WAPL: variants seen among roughly 807,000 people sequenced by gnomAD.
WAPL encodes the protein wings apart-like protein homolog.
A neutral mutation model predicts 121.0 loss-of-function variants in WAPL; 5 were observed. The observed-to-expected ratio is 0.04, with a 90% CI of 0.02 to 0.09. The LOEUF is 0.09. Among genes scored for constraint, WAPL ranks in the 10% least tolerant of loss-of-function variants. The probability of loss-of-function intolerance (pLI) is 1.00; values close to 1 mark genes in which losing one functional copy is unlikely to be tolerated. For synonymous variants in WAPL, 480 were observed against 481.5 expected, an observed-to-expected ratio of 1.00 and a Z score of 0.04; for missense variants, 999 against 1,410.8, an observed-to-expected ratio of 0.71 and a Z score of 4.68.
intron 4 of WAPL, among the ~76,000 whole-genome samples, chr10:86,482,334 T>C (rs1434678192): frequency 6.6e-6 from 1 of 152,208 alleles, no homozygotes; most frequent in Non-Finnish European, 1.5e-5. Context: ...CTAGATCACT[T>C]ATGTACACAG....
chr10:86,515,625 T>A (rs934095627), intron 2 of WAPL, among the ~76,000 whole-genome samples: 81 of 151,780 alleles, frequency 5.3e-4, no homozygotes, highest in African/African-American at 1.9e-3. Flanking sequence ...CCTACAAAAA[T>A]ACAAAAATTA....
Position 86,500,747 on chromosome 10 carries a change from T to C in WAPL, c.500-4A>G. 1.9e-6 allele frequency: 3 copies of C among 1,543,598 alleles called. No homozygotes were observed. The highest frequency in any genetic ancestry group is 1.3e-5 in the South Asian group (1 of 78,142). ...TCATGAAAATTCTCCACTTTATCTG[T>C]AAAAATAAGTCAAAGGATAAAAACA... On this transcript the variant is annotated splice_polypyrimidine_tract_variant and splice_region_variant and intron_variant, in intron 2 of 18. Transcript: ENST00000298767.
Position 86,437,708 on chromosome 10 carries a change from C to T in WAPL, c.3508-100G>A, listed in dbSNP as rs1308608077. 7.8e-6 allele frequency: 10 copies of T among 1,284,516 alleles called. 2 individuals carry two copies. The Middle Eastern group carries it at 5.7e-4, about 73-fold the overall frequency. The allele number at this position is 1,284,516 out of a possible 1,614,324, so 79.6% of individuals were successfully genotyped here. ...ACCTCTAGATTTACTAAACTGAACA[C>T]TACAAATCAAAGTACACCGAGATTA... On this transcript the variant is annotated intron_variant, in intron 18 of 18. Transcript: ENST00000298767.
At chr10:86,510,805 G>A (rs868171633) in intron 2 of WAPL, among the ~76,000 whole-genome samples, 3 of 151,740 alleles carry the variant, frequency 2.0e-5, no homozygotes, top group Admixed American at 6.6e-5. Context: ...AACTTTATTC[G>A]GTAAGTATTA....
chr10:86,468,474 A>AG (rs1462954725), intron 8 of WAPL, among the ~76,000 whole-genome samples: 1 of 152,138 alleles, frequency 6.6e-6, no homozygotes, highest in Non-Finnish European at 1.5e-5. Context: ...CTAAGATTAC[A>AG]GGCGTGAGCC....
At chr10:86,476,807 C>A (rs1841667564) in intron 4 of WAPL, among the ~76,000 whole-genome samples, 1 of 151,920 alleles carries the variant, frequency 6.6e-6, no homozygotes, top group Admixed American at 6.6e-5. Flanking sequence ...ATATAGCCTA[C>A]CTACCTAATA....
At chr10:86,452,214 A>G in intron 14 of WAPL, 83 bp from the exon 15 acceptor site, 2 of 1,367,336 alleles carry the variant, frequency 1.5e-6, no homozygotes, top group Non-Finnish European at 2.0e-6. Flanking sequence ...TTTAATGGCA[A>G]CTAAAAAGCT....
In WAPL at chr10:86,471,128, G is replaced by A. The variant is rs2288361; in HGVS notation, c.2031-25C>T. ...ACTACAAGAAAATAGAGCAGGTTAG[G>A]GGGGCTGGAAACAGCTAGTACATTA... is the stretch of plus-strand genomic sequence containing the variant. On this transcript the variant is annotated intron_variant, in intron 7 of 18. Transcript: ENST00000298767. 2.4e-5 allele frequency: 39 copies of A among 1,601,354 alleles called. 1 individual carries two copies. Among genetic ancestry groups the A allele is most frequent in the African/African-American group, 2.0e-4 (15 of 74,762 alleles).
At position 86,497,313 on chromosome 10, in the gene WAPL, A is replaced by C. The variant is rs770996249; in HGVS notation, c.1532T>G (p.Leu511Trp). 6.2e-6 allele frequency: 10 copies of C among 1,605,356 alleles called. No individual in the cohort carries two copies. The highest frequency in any genetic ancestry group is 2.5e-6 in the Non-Finnish European group (3 of 1,177,602). The change falls in exon 4 of 19, where the codon TTG (leucine) becomes TGG (tryptophan). Residue 511 changes from leucine to tryptophan, a missense_variant. By Grantham distance (61) the Leu-to-Trp change is moderately conservative (BLOSUM62 -2). Around this residue, in one of 7 missense-constraint regions of WAPL, gnomAD observed 531 missense variants for 563.1 expected, o/e 0.94. Coordinates refer to ENST00000298767, the MANE Select transcript of WAPL (RefSeq NM_015045.5). ...SQSGTNNAEN[L>W]DFTEDLPGVP... ...ACCAGGCAAGTCCTCTGTAAAATCC[A>C]AGTTTTCTGAAATGGTAATCAAAAC... is the stretch of plus-strand genomic sequence containing the variant.
At chr10:86,518,903 A>C (rs1842613333) in intron 1 of WAPL, among the ~76,000 whole-genome samples, 1 of 152,218 alleles carries the variant, frequency 6.6e-6, no homozygotes, top group Non-Finnish European at 1.5e-5. Context: ...GTGACTTTAA[A>C]AATGTTCCTT....
At chr10:86,449,081 A>T (rs1840905498) in intron 15 of WAPL, among the ~76,000 whole-genome samples, 1 of 152,224 alleles carries the variant, frequency 6.6e-6, no homozygotes, top group Non-Finnish European at 1.5e-5. Context: ...TTTGGTTTTT[A>T]AAAAATAAAC....
At position 86,437,360 on chromosome 10, in the gene WAPL, G is replaced by C; in HGVS notation, c.*183C>G. 1 of 574,044 alleles carries C rather than the reference G, an allele frequency of 1.7e-6. No homozygotes were observed. Among genetic ancestry groups the C allele is most frequent in the South Asian group, 2.3e-5 (1 of 42,920 alleles). 35.6% of individuals were successfully genotyped at this position (574,044 alleles called of 1,614,324 possible). A position where few individuals can be genotyped will look rare whatever the true frequency, so the allele number is the denominator to read the frequency against. On this transcript the variant is annotated 3_prime_UTR_variant, in exon 19 of 19. Coordinates refer to ENST00000298767, the MANE Select transcript of WAPL (RefSeq NM_015045.5). ...TTTTTGATAGTTGCAGATTGATGTAGTAACTGTCATTTAGCAAATGCCGAA... is the reference window on the plus strand; with the variant it reads ...TTTTTGATAGTTGCAGATTGATGTACTAACTGTCATTTAGCAAATGCCGAA...
At chr10:86,511,904 G>A (rs149638763) in intron 2 of WAPL, among the ~76,000 whole-genome samples, 182 of 152,062 alleles carry the variant, frequency 1.2e-3, no homozygotes, top group African/African-American at 4.0e-3. Flanking sequence ...GGATGAGAGA[G>A]TAAGACCCTG....
intron 4 of WAPL, among the ~76,000 whole-genome samples, chr10:86,477,208 A>G (rs1841678383): frequency 6.6e-6 from 1 of 152,228 alleles, no homozygotes; most frequent in Admixed American, 6.5e-5. Flanking sequence ...AAACAGGGAA[A>G]GAGAGAAAAG....
At chr10:86,510,036 T>C (rs1842428134) in intron 2 of WAPL, among the ~76,000 whole-genome samples, 1 of 146,512 alleles carries the variant, frequency 6.8e-6, no homozygotes, top group Admixed American at 7.0e-5. Flanking sequence ...ACCGAAGTGC[T>C]GGGATTACAG....
chr10:86,461,605 A>T (rs1198693857), intron 9 of WAPL, among the ~76,000 whole-genome samples: 1 of 152,216 alleles, frequency 6.6e-6, no homozygotes, highest in African/African-American at 2.4e-5. Context: ...TTTTAACTGT[A>T]AATCAATATT....
At chr10:86,476,612 C>T (rs1841660618) in intron 4 of WAPL, among the ~76,000 whole-genome samples, 1 of 151,192 alleles carries the variant, frequency 6.6e-6, no homozygotes, top group Non-Finnish European at 1.5e-5. Context: ...TCAGTTGAAC[C>T]CGGGAGGTGG....
At position 86,437,274 on chromosome 10, in the gene WAPL, C is replaced by A. The variant is rs1051212594; in HGVS notation, c.*269G>T. ...AAACAAGGGGAGGGTATAAACTCTG[C>A]CAAAGTAAATGTATTTAAATACTGC... On this transcript the variant is annotated 3_prime_UTR_variant, in exon 19 of 19. Transcript: ENST00000298767. 8.5e-6 allele frequency: 3 copies of A among 353,788 alleles called. No individual in the cohort carries two copies. Among genetic ancestry groups the A allele is most frequent in the Non-Finnish European group, 1.0e-5 (2 of 196,972 alleles). 21.9% of individuals were successfully genotyped at this position (353,788 alleles called of 1,614,324 possible).
intron 4 of WAPL, among the ~76,000 whole-genome samples, chr10:86,482,813 C>T (rs1841823817): frequency 6.6e-6 from 1 of 152,130 alleles, no homozygotes; most frequent in Admixed American, 6.5e-5. Flanking sequence ...AAGGTGGTTG[C>T]CAGGGGCTGG....
Sources: allele counts gnomAD v4.1 joint callset (sites outside exome capture counted in the v4.1 genomes callset), GRCh38; gene constraint gnomAD v4.1.1; regional missense constraint gnomAD v4.1.1; transcripts MANE v1.5; gene names NCBI Gene and HGNC (gene_info 2026-07-23, HGNC 2026-07-21).